CCDC148: variants seen among roughly 807,000 people sequenced by gnomAD.
The protein encoded by CCDC148 is coiled-coil domain containing 148, also known as coiled-coil domain-containing protein 148.
CCDC148 carries 89 observed loss-of-function variants against 85.7 expected under a neutral mutation model. That is an observed-to-expected ratio of 1.04 (90% CI 0.87 to 1.24). The LOEUF (loss-of-function observed/expected upper bound fraction) is 1.24, where lower values mean the gene tolerates loss of function less well. Among genes scored for constraint, CCDC148 ranks in the 50% most tolerant of loss-of-function variants. CCDC148 has a pLI of 0.00. For missense variants in CCDC148, 692 were observed against 671.7 expected, an observed-to-expected ratio of 1.03 and a Z score of -0.33; for synonymous variants, 230 against 213.9, an observed-to-expected ratio of 1.08 and a Z score of -0.66.
chr2:158,204,958 G>A (rs1686161891), intron 11 of CCDC148, among the ~76,000 whole-genome samples: 1 of 152,142 alleles, frequency 6.6e-6, no homozygotes, highest in African/African-American at 2.4e-5. Flanking sequence ...GGAGTAGGAG[G>A]GGCAGGACTC....
intron 9 of CCDC148, among the ~76,000 whole-genome samples, chr2:158,299,401 T>C (rs1691342723): frequency 6.6e-6 from 1 of 152,214 alleles, no homozygotes; most frequent in Admixed American, 6.5e-5. Flanking sequence ...ATCTCTAGTA[T>C]CCTGCCCCCA....
chr2:158,285,751 T>C (rs1276215242), intron 9 of CCDC148, among the ~76,000 whole-genome samples: 1 of 151,798 alleles, frequency 6.6e-6, no homozygotes, highest in Admixed American at 6.6e-5. Context: ...TTAGCCAGGA[T>C]GGTCTTGATC....
At chr2:158,237,177 C>T (rs527844911) in intron 10 of CCDC148, among the ~76,000 whole-genome samples, 4 of 152,104 alleles carry the variant, frequency 2.6e-5, no homozygotes, top group Admixed American at 1.3e-4. Context: ...TGGAGCTCAA[C>T]GATGGGAAGA....
intron 1 of CCDC148, among the ~76,000 whole-genome samples, chr2:158,379,224 T>C (rs1275552657): frequency 6.6e-6 from 1 of 152,088 alleles, no homozygotes; most frequent in Non-Finnish European, 1.5e-5. Flanking sequence ...GGTTCAACAA[T>C]TTCATGGAGG....
chr2:158,408,839 C>T (rs1173569443), intron 1 of CCDC148, among the ~76,000 whole-genome samples: 1 of 151,960 alleles, frequency 6.6e-6, no homozygotes, highest in Admixed American at 6.6e-5. Flanking sequence ...TTCTCCACAT[C>T]CTCACCAACT....
chr2:158,452,257 G>A (rs984093566), intron 1 of CCDC148, among the ~76,000 whole-genome samples: 4 of 152,178 alleles, frequency 2.6e-5, no homozygotes, highest in African/African-American at 9.7e-5. Context: ...GGGGCTTCCT[G>A]TGGAGAACAG....
At chr2:158,443,515 A>AAAG (rs1553524476) in intron 1 of CCDC148, among the ~76,000 whole-genome samples, 2 of 100,896 alleles carry the variant, frequency 2.0e-5, no homozygotes, top group African/African-American at 3.5e-5. Context: ...AAAAAAAAAA[A>AAAG]AAAAAAAAGA....
chr2:158,365,686 T>C (rs1228532006), intron 1 of CCDC148, among the ~76,000 whole-genome samples: 1 of 152,056 alleles, frequency 6.6e-6, no homozygotes, highest in African/African-American at 2.4e-5. Flanking sequence ...GGGATAGCAT[T>C]AGGAGAAATA....
At chr2:158,296,467 G>T (rs993096752) in intron 9 of CCDC148, among the ~76,000 whole-genome samples, 1 of 152,062 alleles carries the variant, frequency 6.6e-6, no homozygotes, top group African/African-American at 2.4e-5. Flanking sequence ...ATTTTTAACA[G>T]ATATTTTAAG....
intron 9 of CCDC148, among the ~76,000 whole-genome samples, chr2:158,287,043 A>G (rs1251689529): frequency 1.3e-5 from 2 of 152,216 alleles, no homozygotes; most frequent in African/African-American, 2.4e-5. Context: ...CACTTCTTAC[A>G]TGGTGGTGGC....
intron 11 of CCDC148, among the ~76,000 whole-genome samples, chr2:158,194,616 T>C (rs1357186): frequency 0.64 from 96,652 of 151,888 alleles, 31,318 homozygotes; most frequent in East Asian, 0.84. Context: ...CATCAGGTGA[T>C]ATTTTTGCTC....
intron 2 of CCDC148, among the ~76,000 whole-genome samples, chr2:158,353,942 T>C (rs1683474198): frequency 6.6e-6 from 1 of 152,040 alleles, no homozygotes; most frequent in Admixed American, 6.6e-5. Context: ...ACCACTCAAC[T>C]ACATGGAAAC....
chr2:158,296,629 G>C (rs1001441701), intron 9 of CCDC148, among the ~76,000 whole-genome samples: 57 of 152,136 alleles, frequency 3.7e-4, no homozygotes, highest in African/African-American at 1.4e-3. Context: ...AAAACATCTT[G>C]TGACATGTTG....
At chr2:158,216,386 C>CTTTT (rs397697591) in intron 11 of CCDC148, among the ~76,000 whole-genome samples, 2 of 59,434 alleles carry the variant, frequency 3.4e-5, no homozygotes, top group Admixed American at 2.8e-4. Flanking sequence ...AAGCACAATA[C>CTTTT]TTTTTTTTTT....
chr2:158,365,782 G>C (rs2105274711), intron 1 of CCDC148, among the ~76,000 whole-genome samples: 1 of 152,130 alleles, frequency 6.6e-6, no homozygotes, highest in South Asian at 2.1e-4. Flanking sequence ...TTCTGTACAT[G>C]TACCCCAGAA....
rs182382192 is a variant in CCDC148, at chr2:158,360,844, T to C, written c.26-2274A>G. ...AATCAATTTGACGAACTGACAGAAG[T>C]AGGCTTCAGAAGGTGGGTAATAACA... On this transcript the variant is annotated intron_variant, in intron 1 of 13. Transcript: ENST00000283233. 2.2e-3 allele frequency among the ~76,000 whole-genome samples: 336 copies of C among 151,902 alleles called. 1 individual carries two copies. Among genetic ancestry groups the C allele is most frequent in the African/African-American group, 7.3e-3 (304 of 41,428 alleles).
At chr2:158,333,366 A>G (rs1693249663) in intron 7 of CCDC148, among the ~76,000 whole-genome samples, 2 of 152,168 alleles carry the variant, frequency 1.3e-5, no homozygotes, top group African/African-American at 4.8e-5. Flanking sequence ...ATTTGATTGC[A>G]CTGTGGTCTG....
chr2:158,429,123 G>T (rs1687211484), intron 1 of CCDC148, among the ~76,000 whole-genome samples: 1 of 150,656 alleles, frequency 6.6e-6, no homozygotes, highest in Admixed American at 6.6e-5. Flanking sequence ...ACATCACACA[G>T]TGGGGCCTGT....
chr2:158,429,360 A>AATAGATAG (rs10664791), intron 1 of CCDC148, among the ~76,000 whole-genome samples: 3,773 of 149,700 alleles, frequency 0.025, 78 homozygotes, highest in South Asian at 0.038. Flanking sequence ...AAAGAGCATG[A>AATAGATAG]ATAGATAGAT....
Sources: gnomAD v4.1 joint callset for allele counts (sites outside exome capture counted in the v4.1 genomes callset) on GRCh38, gnomAD v4.1.1 for gene constraint, MANE v1.5 for transcripts, NCBI Gene and HGNC (gene_info 2026-07-23, HGNC 2026-07-21) for gene names.